Variants in RGS5 observed in about 807,000 individuals in gnomAD.
RGS5 encodes the protein regulator of G protein signaling 5.
A neutral mutation model predicts 18.9 loss-of-function variants in RGS5; 20 were observed. That is an observed-to-expected ratio of 1.06 (90% confidence interval 0.74 to 1.54). The LOEUF (loss-of-function observed/expected upper bound fraction) is 1.54, where lower values mean the gene tolerates loss of function less well. Ranked by LOEUF, RGS5 falls within the 40% of genes most tolerant of loss-of-function variation. RGS5 has a pLI of 0.00. For synonymous variants in RGS5, 57 were observed against 76.2 expected (o/e 0.75, Z 1.31); for missense variants, 201 against 211.8 (o/e 0.95, Z 0.32).
At chr1:163,280,571 C>T (rs760681780) in intron 2 of RGS5, among the ~76,000 whole-genome samples, 19 of 151,872 alleles carry the variant, frequency 1.3e-4, no homozygotes, top group South Asian at 2.1e-4. Context: ...AGTGAAAGAT[C>T]TCTAGAAGGA....
intron 2 of RGS5, among the ~76,000 whole-genome samples, chr1:163,229,809 T>G (rs1194646549): frequency 6.6e-6 from 1 of 152,360 alleles, no homozygotes; most frequent in South Asian, 2.1e-4. Flanking sequence ...ACGTCCTTCC[T>G]GCTTTATTGT....
At chr1:163,148,086 C>T (rs561926398) in intron 4 of RGS5, among the ~76,000 whole-genome samples, 7 of 151,884 alleles carry the variant, frequency 4.6e-5, no homozygotes, top group Admixed American at 6.6e-5. Flanking sequence ...GCCACCACGC[C>T]GGGCTAATTT....
intron 2 of RGS5, among the ~76,000 whole-genome samples, chr1:163,265,714 A>T (rs1283340816): frequency 6.6e-6 from 1 of 152,088 alleles, no homozygotes; most frequent in African/African-American, 2.4e-5. Context: ...TTTCAAATTG[A>T]AAGGATCTTT....
intron 2 of RGS5, among the ~76,000 whole-genome samples, chr1:163,269,446 C>G (rs995436603): frequency 6.6e-6 from 1 of 152,054 alleles, no homozygotes. Context: ...AGAAAAGACA[C>G]TACAGGATTC....
intron 2 of RGS5, among the ~76,000 whole-genome samples, chr1:163,262,115 T>C (rs932131230): frequency 6.6e-6 from 1 of 151,444 alleles, no homozygotes; most frequent in African/African-American, 2.4e-5. Context: ...CCAGTCTATG[T>C]TCTGGGAGAA....
intron 2 of RGS5, among the ~76,000 whole-genome samples, chr1:163,224,285 T>C (rs1647287568): frequency 1.3e-5 from 2 of 151,218 alleles, no homozygotes; most frequent in South Asian, 2.1e-4. Context: ...AGATTCTACA[T>C]GTGTGAGATC....
chr1:163,242,230 T>C (rs1419040634), intron 2 of RGS5, among the ~76,000 whole-genome samples: 1 of 152,224 alleles, frequency 6.6e-6, no homozygotes, highest in Non-Finnish European at 1.5e-5. Context: ...TTTTTAAATA[T>C]GTCAGAAAAA....
chr1:163,295,622 C>T (rs977835730), intron 2 of RGS5, among the ~76,000 whole-genome samples: 27 of 152,178 alleles, frequency 1.8e-4, no homozygotes, highest in African/African-American at 6.3e-4. Flanking sequence ...ATTGTTCTCT[C>T]TTCCTACGGT....
chr1:163,229,710 C>A (rs1397410081), intron 2 of RGS5, among the ~76,000 whole-genome samples: 1 of 152,206 alleles, frequency 6.6e-6, no homozygotes, highest in African/African-American at 2.4e-5. Context: ...CTCTCACCTC[C>A]TTCAGACTTT....
At chr1:163,320,367 C>T (rs1203874217) in intron 1 of RGS5, among the ~76,000 whole-genome samples, 1 of 152,124 alleles carries the variant, frequency 6.6e-6, no homozygotes, top group African/African-American at 2.4e-5. Context: ...CTTCATGATA[C>T]CGTATAAAGC....
chr1:163,185,701 G>A (rs1351627617), intron 1 of RGS5, among the ~76,000 whole-genome samples: 1 of 152,200 alleles, frequency 6.6e-6, no homozygotes, highest in Non-Finnish European at 1.5e-5. Context: ...CTGCAAGGTT[G>A]TTGCAACCTG....
At chr1:163,186,260 G>A (rs563672274) in intron 1 of RGS5, among the ~76,000 whole-genome samples, 6 of 151,766 alleles carry the variant, frequency 4.0e-5, no homozygotes, top group South Asian at 2.1e-4. Flanking sequence ...TAGTAGAGAC[G>A]GGGTTTCACC....
intron 2 of RGS5, among the ~76,000 whole-genome samples, chr1:163,226,010 T>A (rs1053885355): frequency 5.3e-5 from 8 of 151,870 alleles, no homozygotes; most frequent in Middle Eastern, 3.4e-3. Context: ...AACCTCCACC[T>A]CCCGGGTTCA....
intron 2 of RGS5, among the ~76,000 whole-genome samples, chr1:163,290,946 T>C (rs1209655751): frequency 5.3e-5 from 8 of 152,158 alleles, no homozygotes; most frequent in Non-Finnish European, 1.2e-4. Context: ...AAATGCCAAC[T>C]ACAGGAGTTT....
intron 1 of RGS5, chr1:163,321,585 C>T (rs1162416017): frequency 6.6e-6 from 1 of 152,154 alleles, no homozygotes; most frequent in East Asian, 1.9e-4. Flanking sequence ...AATCAATGTT[C>T]AACAAGTTAT....
intron 2 of RGS5, among the ~76,000 whole-genome samples, chr1:163,164,525 T>A (rs998931696): frequency 6.6e-6 from 1 of 152,214 alleles, no homozygotes; most frequent in African/African-American, 2.4e-5. Flanking sequence ...CACATGACAA[T>A]GAGGCACTCA....
At chr1:163,257,107 C>G (rs768449276) in intron 2 of RGS5, among the ~76,000 whole-genome samples, 1 of 152,102 alleles carries the variant, frequency 6.6e-6, no homozygotes, top group African/African-American at 2.4e-5. Context: ...AGACAGCATC[C>G]TTTTCATCAA....
chr1:163,268,688 A>G (rs1648635724), intron 2 of RGS5, among the ~76,000 whole-genome samples: 1 of 152,044 alleles, frequency 6.6e-6, no homozygotes, highest in African/African-American at 2.4e-5. Context: ...ACAACTTACC[A>G]AAATTACTCA....
At chr1:163,207,719 A>T (rs1659982964), upstream of RGS5, among the ~76,000 whole-genome samples, 1 of 152,190 alleles carries the variant, frequency 6.6e-6, no homozygotes, top group Admixed American at 6.5e-5. Flanking sequence ...AAAATGGGAG[A>T]AAGAAGAAAA....
Sources: allele counts gnomAD v4.1 joint callset (sites outside exome capture counted in the v4.1 genomes callset), GRCh38; gene constraint gnomAD v4.1.1; transcripts MANE v1.5; gene names NCBI Gene and HGNC (gene_info 2026-07-23, HGNC 2026-07-21).